OR52N4: variants seen among roughly 807,000 people sequenced by gnomAD.
The protein encoded by OR52N4 is olfactory receptor family 52 subfamily N member 4.
Under a neutral mutation model 15.0 loss-of-function variants are expected in OR52N4, and 15 were observed. That is an observed-to-expected ratio of 1.00 (90% confidence interval 0.67 to 1.54). The LOEUF is 1.54. Ranked by LOEUF, OR52N4 falls within the 40% of genes most tolerant of loss-of-function variation. The pLI, the probability that OR52N4 is intolerant of heterozygous loss-of-function variation, is 0.00. For synonymous variants in OR52N4, 143 were observed against 143.7 expected, an observed-to-expected ratio of 1.00 and a Z score of 0.03; for missense variants, 421 against 394.0, an observed-to-expected ratio of 1.07 and a Z score of -0.58.
chr11:5,749,138 G>T, the OR52N4 span, among the ~76,000 whole-genome samples: 52,569 of 120,414 alleles, frequency 0.44, 9,447 homozygotes, highest in East Asian at 0.53. Flanking sequence ...CTAGGATTGT[G>T]AATTTTTTTT....
upstream of OR52N4, among the ~76,000 whole-genome samples, chr11:5,753,819 C>T (rs4597095): frequency 0.17 from 26,241 of 151,454 alleles, 2,425 homozygotes; most frequent in East Asian, 0.25. Flanking sequence ...ATAGTGAAAC[C>T]CCATCTCTGC....
At chr11:5,744,852 C>G in the OR52N4 span, among the ~76,000 whole-genome samples, 1 of 152,104 alleles carries the variant, frequency 6.6e-6, no homozygotes, top group African/African-American at 2.4e-5. Context: ...ACCTGGGAGG[C>G]AGAAGTTGCA....
chr11:5,750,161 A>T (rs1047327921), upstream of OR52N4, among the ~76,000 whole-genome samples: 1 of 151,896 alleles, frequency 6.6e-6, no homozygotes, highest in Non-Finnish European at 1.5e-5. Flanking sequence ...TCAGAAGCAA[A>T]TTATTCTATT....
chr11:5,738,042 A>T, the OR52N4 span: 4 of 153,982 alleles, frequency 2.6e-5, no homozygotes, highest in Non-Finnish European at 4.3e-5. Flanking sequence ...GCTTGGACAG[A>T]CAGAACCCAA....
At chr11:5,743,416 C>T in the OR52N4 span, among the ~76,000 whole-genome samples, 2 of 152,120 alleles carry the variant, frequency 1.3e-5, no homozygotes, top group African/African-American at 4.8e-5. Context: ...ACATTCTGCC[C>T]AAGAACCACA....
upstream of OR52N4, among the ~76,000 whole-genome samples, chr11:5,750,309 T>C (rs1854163723): frequency 6.6e-6 from 1 of 151,976 alleles, no homozygotes; most frequent in African/African-American, 2.4e-5. Flanking sequence ...AAGTATATTT[T>C]TCTCCACCCA....
chr11:5,731,762 C>T, the OR52N4 span, among the ~76,000 whole-genome samples: 8 of 152,258 alleles, frequency 5.3e-5, no homozygotes, highest in African/African-American at 1.9e-4. Context: ...ACCATATGCT[C>T]TTATTTATCC....
At chr11:5,736,653 C>G in the OR52N4 span, 1 of 1,614,006 alleles carries the variant, frequency 6.2e-7, no homozygotes, top group Admixed American at 1.7e-5. Flanking sequence ...CTGTATCTCT[C>G]AGCACTTGCT....
At position 5,755,351 on chromosome 11, in the gene OR52N4, T is replaced by G. The variant is rs1286075055; in HGVS notation, c.611T>G (p.Val204Gly). 1 of 1,613,978 alleles carries G rather than the reference T, an allele frequency of 6.2e-7. No individual in the cohort carries two copies. The highest frequency in any genetic ancestry group is 1.7e-5 in the Admixed American group (1 of 59,976). The change falls in exon 2 of 2, where the codon GTT (valine) becomes GGT (glycine). Residue 204 changes from valine to glycine, a missense_variant. Transcript: ENST00000641350. Reference sequence around the variant, plus strand: ...GTCAATGCCATCTATGGTCTGATGGTTGCCCTCCTGATTTGGGGCTTTGAC... The same window carrying G: ...GTCAATGCCATCTATGGTCTGATGGGTGCCCTCCTGATTTGGGGCTTTGAC... ...VKVNAIYGLM[V>G]ALLIWGFDIL...
rs1854304743 is a variant in OR52N4 at position 5,755,740 on chromosome 11, A to C, written c.*34A>C. The C allele has an allele frequency of 6.3e-7, 1 of 1,589,020 alleles. No individual in the cohort carries two copies. The highest frequency in any genetic ancestry group is 8.6e-7 in the Non-Finnish European group (1 of 1,168,236). On this transcript the variant is annotated 3_prime_UTR_variant, in exon 2 of 2. Transcript: ENST00000641350. ...TTGCCAGGAGTGAGAAGAGAAGGAA[A>C]GAATTACTTCTATTTGCCTCTTATG...
the OR52N4 span, among the ~76,000 whole-genome samples, chr11:5,727,758 A>G: frequency 0.039 from 5,874 of 152,248 alleles, 259 homozygotes; most frequent in Admixed American, 0.12. Context: ...CTGCATAGCC[A>G]TAAGATCTCT....
the OR52N4 span, chr11:5,734,276 C>G: frequency 9.1e-5 from 41 of 450,368 alleles, no homozygotes; most frequent in East Asian, 2.9e-3. Context: ...TGGCTAAATT[C>G]CAGAGAGTTC....
upstream of OR52N4, among the ~76,000 whole-genome samples, chr11:5,753,920 G>C (rs531367505): frequency 3.8e-4 from 58 of 150,654 alleles, no homozygotes; most frequent in African/African-American, 1.3e-3. Flanking sequence ...TTGAATCCGG[G>C]AGGTGGAGGT....
In OR52N4 at chr11:5,754,831, T is replaced by C. The variant is rs1854262883; in HGVS notation, c.91T>C (p.Phe31Leu). 2 of 1,613,814 alleles carry C rather than the reference T, an allele frequency of 1.2e-6. No individual in the cohort carries two copies. Among genetic ancestry groups the C allele is most frequent in the South Asian group, 2.2e-5 (2 of 91,066 alleles). ...GLEDTQLWISFPFCSMYVVAM... is the reference protein window; with the variant it reads ...GLEDTQLWISLPFCSMYVVAM... ...GGAAGACACACAACTCTGGATTTCC[T>C]TCCCATTCTGCTCTATGTATGTTGT... Residue 31 changes from phenylalanine to leucine, a missense_variant, in exon 2 of 2, where the codon TTC becomes CTC. Coordinates refer to ENST00000641350, the MANE Select transcript of OR52N4 (RefSeq NM_001005175.5).
At position 5,755,393 on chromosome 11, in the gene OR52N4, A is replaced by T. The variant is rs7396938; in HGVS notation, c.653A>T (p.Asn218Ile). The stretch of plus-strand genomic sequence containing the variant: ...GGCTTTGACATACTGTGTATCACCA[A>T]CTCCTATACCATGATTCTCCGGGCA... ...IWGFDILCIT[N>I]SYTMILRAVV... is the part of the protein sequence containing the mutation. The change falls in exon 2 of 2, where the codon AAC (asparagine) becomes ATC (isoleucine). Residue 218 changes from asparagine to isoleucine, a missense_variant. Coordinates refer to ENST00000641350, the MANE Select transcript of OR52N4 (RefSeq NM_001005175.5). The T allele has an allele frequency of 0.95, 1,539,055 of 1,613,956 alleles. 735,095 individuals are homozygous for T. Among genetic ancestry groups the T allele is most frequent in the Middle Eastern group, 0.98 (5,961 of 6,062 alleles).
the OR52N4 span, chr11:5,736,428 G>GA: frequency 3.5e-6 from 4 of 1,157,384 alleles, no homozygotes; most frequent in Non-Finnish European, 5.0e-6. Context: ...GAAAGGCTTA[G>GA]AAAAATACTA....
chr11:5,751,588 T>A (rs1498558), upstream of OR52N4, among the ~76,000 whole-genome samples: 27,942 of 152,066 alleles, frequency 0.18, 2,737 homozygotes, highest in East Asian at 0.25. Flanking sequence ...ATACTTAGAT[T>A]ATAATTTAAT....
the OR52N4 span, among the ~76,000 whole-genome samples, chr11:5,748,875 C>G: frequency 2.0e-4 from 30 of 151,974 alleles, no homozygotes; most frequent in Non-Finnish European, 2.9e-4. Context: ...TATATACACT[C>G]TAATACACAA....
In OR52N4 at chr11:5,755,263, A is replaced by G; in HGVS notation, c.523A>G (p.Ile175Val). The G allele has an allele frequency of 1.2e-6, 2 of 1,614,006 alleles. No homozygotes were observed. Among genetic ancestry groups the G allele is most frequent in the Non-Finnish European group, 1.7e-6 (2 of 1,179,972 alleles). ...TKLLPYCRGNILPHTYCDHMS... is the reference protein window; with the variant it reads ...TKLLPYCRGNVLPHTYCDHMS... ...GCTCCTGCCCTACTGCAGAGGCAAT[A>G]TACTTCCCCATACCTACTGTGACCA... The change falls in exon 2 of 2, where the codon ATA becomes GTA. Residue 175 changes from isoleucine to valine, a missense_variant. Ile to Val is a conservative substitution (Grantham distance 29). Coordinates refer to ENST00000641350, the MANE Select transcript of OR52N4 (RefSeq NM_001005175.5).
Sources: gnomAD v4.1 joint callset for allele counts (sites outside exome capture counted in the v4.1 genomes callset) on GRCh38, gnomAD v4.1.1 for gene constraint, MANE v1.5 for transcripts, NCBI Gene and HGNC (gene_info 2026-07-23, HGNC 2026-07-21) for gene names.